The following RALGAPA1 variants were observed in gnomAD, a reference collection of about 807,000 sequenced individuals.
RALGAPA1 encodes the protein ral GTPase-activating protein subunit alpha-1.
RALGAPA1 carries 52 observed loss-of-function variants against 269.6 expected under a neutral mutation model. That is an observed-to-expected ratio of 0.19 (90% CI 0.15 to 0.24). RALGAPA1 has a LOEUF of 0.24. Among genes scored for constraint, RALGAPA1 ranks in the 10% least tolerant of loss-of-function variants. The pLI is 1.00. For synonymous variants in RALGAPA1, 817 were observed against 1,008.3 expected (o/e 0.81, Z 3.60); for missense variants, 1,917 against 3,013.9 (o/e 0.64, Z 8.52).
chr14:35,720,860 G>A lies in RALGAPA1; in HGVS notation c.2266+828C>T, dbSNP rs1489878016. On this transcript the variant is annotated intron_variant, in intron 16 of 41. Transcript: ENST00000680220. ...TGAGGTAGGATCACTTTGAGCCCAG[G>A]AGTCCAGGGCTGCAGTGAGCTATGA... Among the ~76,000 whole-genome samples the A allele has an allele frequency of 2.0e-5, 3 of 152,154 alleles. No homozygotes were observed. The South Asian group carries it at 6.2e-4, about 32-fold the overall frequency.
intron 7 of RALGAPA1, among the ~76,000 whole-genome samples, chr14:35,753,739 T>C (rs2072938227): frequency 6.6e-6 from 1 of 152,168 alleles, no homozygotes; most frequent in Non-Finnish European, 1.5e-5. Context: ...AGGTTTCTTA[T>C]TAGCACTAAA....
Position 35,689,732 on chromosome 14 carries a change from A to G in RALGAPA1, c.2679T>C (p.Asp893=). The G allele has an allele frequency of 1.4e-6, 2 of 1,476,242 alleles. No individual in the cohort carries two copies. Among genetic ancestry groups the G allele is most frequent in the African/African-American group, 1.5e-5 (1 of 68,150 alleles). The allele number at this position is 1,476,242 out of a possible 1,614,324, so 91.4% of individuals were successfully genotyped here. A position where few individuals can be genotyped will look rare whatever the true frequency, so the allele number is the denominator to read the frequency against. Residue 893 remains aspartate (D), a synonymous_variant, in exon 18 of 42, where the codon GAT becomes GAC. Transcript: ENST00000680220. The part of the protein sequence containing the change: ...ITRSTESHIT[D]THSRESSLEV... Reference sequence around the variant, plus strand: ...CCAGAGAAGACTCTCTACTATGAGTATCAGTGATGTGGCTTTCAGTGGATC... The same window carrying G: ...CCAGAGAAGACTCTCTACTATGAGTGTCAGTGATGTGGCTTTCAGTGGATC...
intron 37 of RALGAPA1, among the ~76,000 whole-genome samples, chr14:35,586,848 T>A (rs566609191): frequency 6.6e-6 from 1 of 152,244 alleles, no homozygotes; most frequent in Non-Finnish European, 1.5e-5. Flanking sequence ...GTTGTGCTGC[T>A]GGATTTGGTT....
intron 36 of RALGAPA1, among the ~76,000 whole-genome samples, chr14:35,603,038 G>A (rs531635410): frequency 2.0e-5 from 3 of 152,106 alleles, no homozygotes; most frequent in Non-Finnish European, 2.9e-5. Context: ...TGTCAAAAAC[G>A]GCTGACCACA....
chr14:35,683,895 A>ACTT lies in RALGAPA1; in HGVS notation c.4382_4384dup (p.Glu1461dup), dbSNP rs1566994749. ...TATATGAAGAGTAGTTAGACTAGCC[A>ACTT]CTTCCTGCTCTTCAGCACTCTGATG... On this transcript the variant is annotated inframe_insertion, in exon 21 of 42. Transcript: ENST00000680220. 6.2e-7 allele frequency: 1 copy of ACTT among 1,612,932 alleles called. No individual in the cohort carries two copies. The highest frequency in any genetic ancestry group is 1.1e-5 in the South Asian group (1 of 90,982).
intron 9 of RALGAPA1, among the ~76,000 whole-genome samples, chr14:35,750,095 G>T (rs2072537385): frequency 1.3e-5 from 2 of 151,868 alleles, no homozygotes. Flanking sequence ...GGGGGAAGGG[G>T]GTGTGAACAG....
chr14:35,800,768 G>T (rs926002116), intron 1 of RALGAPA1, among the ~76,000 whole-genome samples: 8 of 152,164 alleles, frequency 5.3e-5, no homozygotes, highest in African/African-American at 1.9e-4. Flanking sequence ...ACTTTGGGAG[G>T]CCCAGGCTGG....
intron 31 of RALGAPA1, among the ~76,000 whole-genome samples, chr14:35,640,094 G>C (rs542179101): frequency 1.3e-5 from 2 of 152,060 alleles, no homozygotes; most frequent in African/African-American, 4.8e-5. Context: ...GCAGTACTAA[G>C]AGGGAAGTTT....
Position 35,728,464 on chromosome 14 carries a change from T to G in RALGAPA1, c.1634A>C (p.Asn545Thr). ...TTCATCCAGAAGATTTTTTATTTCA[T>G]TTGCAGGTTCAAGAAGAAATATATT... ...SSNIFLLEPANEIKNLLDEHT... is the reference protein window; with the variant it reads ...SSNIFLLEPATEIKNLLDEHT... The change falls in exon 13 of 42, where the codon AAT becomes ACT. Residue 545 changes from asparagine to threonine, a missense_variant. By Grantham distance (65) the Asn-to-Thr change is moderately conservative (BLOSUM62 0). Around this residue, in one of 11 missense-constraint regions of RALGAPA1, gnomAD observed 462 missense variants for 725.6 expected, o/e 0.64. Coordinates refer to ENST00000680220, the MANE Select transcript of RALGAPA1 (RefSeq NM_001346249.2). 1 of 1,608,402 alleles carries G rather than the reference T, an allele frequency of 6.2e-7. No individual in the cohort carries two copies. Among genetic ancestry groups the G allele is most frequent in the Non-Finnish European group, 8.5e-7 (1 of 1,178,064 alleles).
intron 41 of RALGAPA1, among the ~76,000 whole-genome samples, chr14:35,541,361 G>C (rs1175585726): frequency 2.0e-5 from 3 of 151,994 alleles, no homozygotes; most frequent in Non-Finnish European, 2.9e-5. Flanking sequence ...AAGTTTTTAA[G>C]ACCAAATGTT....
At chr14:35,568,388 G>T (rs182674243) in intron 39 of RALGAPA1, among the ~76,000 whole-genome samples, 1 of 152,136 alleles carries the variant, frequency 6.6e-6, no homozygotes, top group Non-Finnish European at 1.5e-5. Context: ...TTTCAGAGAA[G>T]GGATATTCAA....
intron 16 of RALGAPA1, among the ~76,000 whole-genome samples, chr14:35,719,865 C>T (rs2069218566): frequency 1.3e-5 from 2 of 152,126 alleles, no homozygotes; most frequent in African/African-American, 2.4e-5. Context: ...ATTCTCCTGC[C>T]TCAGCCTCCC....
At chr14:35,752,188 T>C (rs2072772995) in intron 7 of RALGAPA1, 26 bp from the exon 8 acceptor site, 2 of 1,484,122 alleles carry the variant, frequency 1.3e-6, no homozygotes. Context: ...ATAATTAGAA[T>C]CATTCCAGAA....
At chr14:35,702,443 C>T (rs531971888) in intron 16 of RALGAPA1, among the ~76,000 whole-genome samples, 55 of 152,258 alleles carry the variant, frequency 3.6e-4, no homozygotes, top group African/African-American at 1.1e-3. Context: ...GTATGGCTTA[C>T]CATGCTGTGT....
At chr14:35,756,524 T>C (rs1052698286) in intron 7 of RALGAPA1, 7 of 196,718 alleles carry the variant, frequency 3.6e-5, no homozygotes, top group Non-Finnish European at 6.2e-5. Context: ...GTGAAGAGTC[T>C]ATTTTTACTC....
chr14:35,774,985 GT>G lies in RALGAPA1; in HGVS notation c.267+20del. ...AAAATTATTTTTGAAAAAGGGAAAA[GT>G]TAGGTTCAGAAGCACTTACCTCAAA... On this transcript the variant is annotated intron_variant, in intron 3 of 41. Transcript: ENST00000680220. 6.7e-7 allele frequency: 1 copy of G among 1,482,770 alleles called. No homozygotes were observed. Among genetic ancestry groups the G allele is most frequent in the Non-Finnish European group, 9.3e-7 (1 of 1,074,938 alleles). 91.9% of individuals were successfully genotyped at this position (1,482,770 alleles called of 1,614,324 possible).
intron 4 of RALGAPA1, among the ~76,000 whole-genome samples, chr14:35,770,467 A>G (rs1028336743): frequency 6.6e-6 from 1 of 152,322 alleles, no homozygotes; most frequent in Admixed American, 6.5e-5. Flanking sequence ...GATTAAAAAA[A>G]AAAGTAACTG....
At chr14:35,737,096 A>C (rs534252410) in intron 12 of RALGAPA1, among the ~76,000 whole-genome samples, 11 of 152,182 alleles carry the variant, frequency 7.2e-5, no homozygotes, top group Non-Finnish European at 1.2e-4. Flanking sequence ...TAAGAGAAAG[A>C]CCAACACCCA....
At chr14:35,766,635 G>T in intron 4 of RALGAPA1, 1 of 721,010 alleles carries the variant, frequency 1.4e-6, no homozygotes, top group South Asian at 1.4e-5. Context: ...CAGACGAGAA[G>T]GGTTCAATGA....
Sources: allele counts gnomAD v4.1 joint callset (sites outside exome capture counted in the v4.1 genomes callset), GRCh38; gene constraint gnomAD v4.1.1; regional missense constraint gnomAD v4.1.1; transcripts MANE v1.5; gene names NCBI Gene and HGNC (gene_info 2026-07-23, HGNC 2026-07-21).